Variants in PREX1 observed in about 807,000 individuals in gnomAD.
The protein encoded by PREX1 is phosphatidylinositol 3,4,5-trisphosphate-dependent Rac exchanger 1 protein.
In PREX1, 41 loss-of-function variants were observed where a neutral mutation model predicts 198.3. The observed-to-expected ratio is 0.21, with a 90% CI of 0.16 to 0.27. PREX1 has a LOEUF of 0.27. Among genes scored for constraint, PREX1 ranks in the 10% least tolerant of loss-of-function variants. The pLI is 1.00. For synonymous variants in PREX1, 843 were observed against 887.2 expected (o/e 0.95, Z 0.89); for missense variants, 1,620 against 2,200.7 (o/e 0.74, Z 5.28).
the PREX1 span, among the ~76,000 whole-genome samples, chr20:48,880,292 G>A: frequency 6.6e-4 from 100 of 152,268 alleles, 2 homozygotes; most frequent in South Asian, 0.015. Context: ...ATAAGGAGTA[G>A]TATATCCGAT....
At chr20:48,674,364 A>T (rs978713770) in intron 14 of PREX1, among the ~76,000 whole-genome samples, 2 of 152,260 alleles carry the variant, frequency 1.3e-5, no homozygotes, top group South Asian at 4.1e-4. Context: ...TTTGTGCAAC[A>T]TGAGAAAATC....
the PREX1 span, among the ~76,000 whole-genome samples, chr20:48,854,575 T>TA: frequency 5.3e-5 from 8 of 151,508 alleles, no homozygotes; most frequent in African/African-American, 1.2e-4. Context: ...AAATAAAAAC[T>TA]AAAAAAAACC....
At chr20:48,801,209 T>C (rs531970287) in intron 1 of PREX1, among the ~76,000 whole-genome samples, 15 of 152,334 alleles carry the variant, frequency 9.8e-5, no homozygotes, top group African/African-American at 3.4e-4. Flanking sequence ...TATGCCATCA[T>C]AGGCAGCGTG....
intron 1 of PREX1, among the ~76,000 whole-genome samples, chr20:48,796,022 C>T (rs559522939): frequency 3.9e-5 from 6 of 152,352 alleles, no homozygotes; most frequent in South Asian, 2.1e-4. Flanking sequence ...AGCCTATTAA[C>T]AAGAGCAACT....
rs56065702 is a variant in PREX1 at position 48,790,485 on chromosome 20, A to G, written c.219+37157T>C. ...AATTTAAGAAGTTTAACAGGGAAAA[A>G]AAGTCTTCAACATGAGTGCGGAAAA... On this transcript the variant is annotated intron_variant, in intron 1 of 39. Transcript: ENST00000371941. Among the ~76,000 whole-genome samples, 341 of 152,270 alleles carry G rather than the reference A, an allele frequency of 2.2e-3. 3 individuals carry two copies. Among genetic ancestry groups the G allele is most frequent in the African/African-American group, 7.9e-3 (327 of 41,540 alleles).
rs1467864337 is a variant in PREX1, at chr20:48,827,799, T to C, written c.62A>G (p.Asp21Gly). 7 of 1,068,820 alleles carry C rather than the reference T, an allele frequency of 6.5e-6. No individual in the cohort carries two copies. The East Asian group carries it at 4.4e-4, about 66-fold the overall frequency. The allele number at this position is 1,068,820 out of a possible 1,614,324, so 66.2% of individuals were successfully genotyped here. ...CGCCGCGGCGCCAGGGGCCCGGGGG[T>C]CCGGGTGGGCGCAGTCCCCGGCCCC... ...GDGAGDCAHP[D>G]PRAPGAAAPS... The change falls in exon 1 of 40, where the codon GAC (aspartate) becomes GGC (glycine). Residue 21 changes from aspartate (D) to glycine (G), a missense_variant. By Grantham distance (94) the Asp-to-Gly change is moderately conservative (BLOSUM62 -1). Transcript: ENST00000371941. The surrounding 1 kb of genome is among the most constrained non-coding windows in gnomAD (Gnocchi z 4.1).
At chr20:48,816,019 A>T (rs2090457470) in intron 1 of PREX1, among the ~76,000 whole-genome samples, 1 of 145,328 alleles carries the variant, frequency 6.9e-6, no homozygotes, top group African/African-American at 2.6e-5. Flanking sequence ...CAAAAAAAAA[A>T]GAAAAAAAGG....
rs2089497595 is a variant in PREX1 at position 48,651,501 on chromosome 20, G to C, written c.2550C>G (p.His850Gln). ...ACTCATACACCACGCCGTGTTCCAG[G>C]TGCACGTTGTCCACAGTCAGGGTGA... The part of the protein sequence containing the change: ...PMVTLTVDNV[H>Q]LEHGVVYEYV... The change falls in exon 22 of 40, where the codon CAC (histidine) becomes CAG (glutamine). Residue 850 changes from histidine to glutamine, a missense_variant. Around this residue, in one of 7 missense-constraint regions of PREX1, gnomAD observed 514 missense variants for 611.6 expected, o/e 0.84. Coordinates refer to ENST00000371941, the MANE Select transcript of PREX1 (RefSeq NM_020820.4). 1 of 1,614,230 alleles carries C rather than the reference G, an allele frequency of 6.2e-7. No homozygotes were observed. The highest frequency in any genetic ancestry group is 1.3e-5 in the African/African-American group (1 of 75,074).
At chr20:48,854,633 C>T in the PREX1 span, among the ~76,000 whole-genome samples, 1 of 152,160 alleles carries the variant, frequency 6.6e-6, no homozygotes, top group African/African-American at 2.4e-5. Flanking sequence ...CTGAGCACCT[C>T]GAAGATTAAA....
chr20:48,867,088 T>G, the PREX1 span, among the ~76,000 whole-genome samples: 1 of 152,194 alleles, frequency 6.6e-6, no homozygotes, highest in Non-Finnish European at 1.5e-5. Context: ...AACCTCCCAC[T>G]GCAGCCCACA....
chr20:48,719,955 C>T (rs1040578412), intron 5 of PREX1, among the ~76,000 whole-genome samples: 2 of 152,188 alleles, frequency 1.3e-5, no homozygotes, highest in Non-Finnish European at 2.9e-5. Flanking sequence ...CAAGGCCATA[C>T]CTGACCTGGC....
chr20:48,840,978 AT>A, the PREX1 span, among the ~76,000 whole-genome samples: 65 of 140,786 alleles, frequency 4.6e-4, 1 homozygote, highest in Admixed American at 4.5e-3. Flanking sequence ...AAAAAAAAAA[AT>A]GTGCAGATGG....
intron 13 of PREX1, among the ~76,000 whole-genome samples, chr20:48,677,266 G>A (rs1254129665): frequency 3.9e-5 from 6 of 152,230 alleles, no homozygotes; most frequent in African/African-American, 7.2e-5. Flanking sequence ...GAGGGCGGAG[G>A]CAGGATGGCA....
At chr20:48,778,318 A>C (rs1483681546) in intron 1 of PREX1, among the ~76,000 whole-genome samples, 3 of 152,176 alleles carry the variant, frequency 2.0e-5, no homozygotes, top group Non-Finnish European at 2.9e-5. Context: ...TCATGCCTGT[A>C]ATCCCAGCAC....
At chr20:48,697,145 G>A (rs1283570899) in intron 7 of PREX1, among the ~76,000 whole-genome samples, 1 of 152,106 alleles carries the variant, frequency 6.6e-6, no homozygotes, top group Admixed American at 6.5e-5. Context: ...CTATGTGTGA[G>A]ACACCCAAAT....
In PREX1 at chr20:48,684,316, G is replaced by A. The variant is rs1206897627; in HGVS notation, c.1335-2981C>T. 5.3e-5 allele frequency among the ~76,000 whole-genome samples: 8 copies of A among 152,172 alleles called. No individual in the cohort carries two copies. The highest frequency in any genetic ancestry group is 2.1e-4 in the South Asian group (1 of 4,832). On this transcript the variant is annotated intron_variant, in intron 10 of 39. Coordinates refer to ENST00000371941, the MANE Select transcript of PREX1 (RefSeq NM_020820.4). This position sits in a 1 kb window ranked among gnomAD's most constrained non-coding sequence, Gnocchi z 4.2. ...TTCTTGCCTGATTCCTCCATGGGCCGTGGGCTCCAAGAGGGTAGGGACTGG... is the reference window on the plus strand; with the variant it reads ...TTCTTGCCTGATTCCTCCATGGGCCATGGGCTCCAAGAGGGTAGGGACTGG...
At chr20:48,786,835 G>T in intron 1 of PREX1, among the ~76,000 whole-genome samples, 1 of 5,160 alleles carries the variant, frequency 1.9e-4, no homozygotes, top group African/African-American at 1.0e-3. Flanking sequence ...GAGAGAGAAA[G>T]AAAGAAAAAG....
intron 1 of PREX1, among the ~76,000 whole-genome samples, chr20:48,755,496 G>A (rs1568852077): frequency 6.6e-6 from 1 of 152,212 alleles, no homozygotes; most frequent in Non-Finnish European, 1.5e-5. Flanking sequence ...CATCTTGGAA[G>A]TATCCTTGTG....
chr20:48,767,821 A>T (rs773207631), intron 1 of PREX1, among the ~76,000 whole-genome samples: 2 of 151,958 alleles, frequency 1.3e-5, no homozygotes, highest in Non-Finnish European at 2.9e-5. Context: ...GGATGCTCAA[A>T]TATCACCTCC....
Sources: allele counts gnomAD v4.1 joint callset (sites outside exome capture counted in the v4.1 genomes callset), GRCh38; gene constraint gnomAD v4.1.1; regional missense constraint gnomAD v4.1.1; non-coding constraint Gnocchi (gnomAD v3.1); transcripts MANE v1.5; gene names NCBI Gene and HGNC (gene_info 2026-07-23, HGNC 2026-07-21).